The following MICAL3 variants were observed in gnomAD, a reference collection of about 807,000 sequenced individuals.
MICAL3 encodes the protein microtubule associated monooxygenase, calponin and LIM domain containing 3.
Under a neutral mutation model 207.4 loss-of-function variants are expected in MICAL3, and 62 were observed. The observed-to-expected ratio is 0.30, with a 90% CI of 0.24 to 0.37. The LOEUF (loss-of-function observed/expected upper bound fraction) is 0.37. Ranked by LOEUF, MICAL3 falls within the 10% of genes least tolerant of loss-of-function variation. MICAL3 has a pLI of 1.00. For missense variants in MICAL3, 2,368 were observed against 2,635.6 expected, an observed-to-expected ratio of 0.90 and a Z score of 2.22; for synonymous variants, 1,077 against 1,069.3, an observed-to-expected ratio of 1.01 and a Z score of -0.14.
At chr22:17,804,965 G>A (rs1023123456) in intron 29 of MICAL3, among the ~76,000 whole-genome samples, 42 of 152,202 alleles carry the variant, frequency 2.8e-4, no homozygotes, top group African/African-American at 1.0e-3. Flanking sequence ...CAAAGGTGCT[G>A]AAGCTAATCC....
intron 16 of MICAL3, among the ~76,000 whole-genome samples, chr22:17,874,282 A>G (rs1417842530): frequency 2.0e-5 from 3 of 152,198 alleles, no homozygotes; most frequent in Admixed American, 6.5e-5. Context: ...AACCTTCTTT[A>G]GGGACACTAA....
chr22:18,012,569 A>C (rs1247380336), intron 1 of MICAL3, among the ~76,000 whole-genome samples: 1 of 152,242 alleles, frequency 6.6e-6, no homozygotes, highest in East Asian at 1.9e-4. Context: ...CTCAGCTCCC[A>C]GGGCTGCCAG....
At chr22:17,996,655 C>T (rs1285497687) in intron 1 of MICAL3, among the ~76,000 whole-genome samples, 2 of 152,126 alleles carry the variant, frequency 1.3e-5, no homozygotes, top group Non-Finnish European at 1.5e-5. Flanking sequence ...CACCACCCAT[C>T]ACCCAGGGGA....
At chr22:17,989,259 C>CCGCT (rs1921393080) in intron 1 of MICAL3, among the ~76,000 whole-genome samples, 2 of 152,174 alleles carry the variant, frequency 1.3e-5, no homozygotes, top group African/African-American at 2.4e-5. Context: ...GCTAAGCCTG[C>CCGCT]CGCTACCTTA....
intron 1 of MICAL3, among the ~76,000 whole-genome samples, chr22:17,986,965 G>A (rs1295872993): frequency 6.6e-6 from 1 of 152,066 alleles, no homozygotes. Flanking sequence ...TTCGACTGGC[G>A]TGGTGGCTCA....
At position 17,787,737 on chromosome 22, in the gene MICAL3, TCTC is replaced by T. The variant is rs1238368715; in HGVS notation, c.*2992_*2994del. The T allele has an allele frequency of 1.3e-5, 2 of 152,246 alleles. No individual in the cohort carries two copies. The highest frequency in any genetic ancestry group is 2.9e-5 in the Non-Finnish European group (2 of 68,040). 9.4% of individuals were successfully genotyped at this position (152,246 alleles called of 1,614,324 possible). On this transcript the variant is annotated 3_prime_UTR_variant, in exon 32 of 32. Transcript: ENST00000441493. ...CACCTTTAAAAAAATGTTTTTTAAC[TCTC>T]CTTTCTGTCCCACTGAAAAATTTAT...
chr22:17,886,432 C>T (rs1929875286), intron 15 of MICAL3, among the ~76,000 whole-genome samples: 1 of 152,112 alleles, frequency 6.6e-6, no homozygotes, highest in Non-Finnish European at 1.5e-5. Context: ...TTTGGGAGGC[C>T]AAGATGGGTG....
At chr22:17,864,714 G>C (rs766048921) in intron 19 of MICAL3, 185 bp downstream of exon 19, 58 of 1,613,002 alleles carry the variant, frequency 3.6e-5, no homozygotes, top group Non-Finnish European at 4.6e-5. Context: ...CCTCCGACAG[G>C]CCATAGAGAA....
intron 19 of MICAL3, chr22:17,863,592 G>T: frequency 2.0e-6 from 2 of 985,430 alleles, no homozygotes; most frequent in Non-Finnish European, 2.4e-6. Context: ...CCCACCTGCA[G>T]GGTACTTAAA....
At chr22:17,933,737 T>C (rs909470788) in intron 1 of MICAL3, among the ~76,000 whole-genome samples, 9 of 151,836 alleles carry the variant, frequency 5.9e-5, no homozygotes, top group African/African-American at 1.7e-4. Flanking sequence ...GCAAGATTAA[T>C]AAAGAAGAAA....
At chr22:18,021,645 G>A (rs886900857) in intron 1 of MICAL3, among the ~76,000 whole-genome samples, 1 of 152,224 alleles carries the variant, frequency 6.6e-6, no homozygotes, top group Admixed American at 6.5e-5. Context: ...TGGGGCATGG[G>A]AGAGGGAGGG....
chr22:17,857,106 C>T (rs193077950), intron 19 of MICAL3, among the ~76,000 whole-genome samples: 1 of 152,308 alleles, frequency 6.6e-6, no homozygotes, highest in East Asian at 1.9e-4. Flanking sequence ...TCCTTGGTCA[C>T]CAGGTTGTAC....
chr22:17,956,118 A>C (rs1428029721), intron 1 of MICAL3, among the ~76,000 whole-genome samples: 1 of 151,452 alleles, frequency 6.6e-6, no homozygotes, highest in Non-Finnish European at 1.5e-5. Flanking sequence ...GGGCACACAC[A>C]TGCCTGTGTC....
intron 22 of MICAL3, 95 bp from the exon 23 acceptor site, chr22:17,823,155 C>T (rs751623042): frequency 2.7e-5 from 22 of 818,672 alleles, no homozygotes; most frequent in Middle Eastern, 2.2e-4. Context: ...TTTCTCAGGG[C>T]GCTGCCATGC....
At chr22:17,988,947 C>T (rs1921349269) in intron 1 of MICAL3, among the ~76,000 whole-genome samples, 2 of 152,192 alleles carry the variant, frequency 1.3e-5, no homozygotes, top group Non-Finnish European at 2.9e-5. Context: ...GCCGCGGAGT[C>T]CAACCAGCTC....
rs7291656 is a variant in MICAL3, at chr22:18,014,633, G to A, written c.-75+9648C>T. On this transcript the variant is annotated intron_variant, in intron 1 of 31. Transcript: ENST00000441493. Reference sequence around the variant, plus strand: ...ATATTCTTACAATTCTCTTAATGGGGGAAAAAGTCCCCAAAGATATGTTCC... The same window carrying A: ...ATATTCTTACAATTCTCTTAATGGGAGAAAAAGTCCCCAAAGATATGTTCC... 2.8e-3 allele frequency among the ~76,000 whole-genome samples: 431 copies of A among 152,216 alleles called. 1 individual carries two copies. The highest frequency in any genetic ancestry group is 0.01 in the African/African-American group (419 of 41,538).
chr22:17,966,193 C>T (rs933919286), intron 1 of MICAL3, among the ~76,000 whole-genome samples: 2 of 152,144 alleles, frequency 1.3e-5, no homozygotes, highest in South Asian at 2.1e-4. Context: ...TGCCTCCCAT[C>T]GAATTTCCAG....
chr22:17,906,524 A>G, intron 2 of MICAL3, 25 bp downstream of exon 2: 6 of 1,612,526 alleles, frequency 3.7e-6, no homozygotes, highest in Non-Finnish European at 5.1e-6. Flanking sequence ...CAGTGACCCC[A>G]GGGCCCAACA....
chr22:17,978,670 C>T (rs1018283518), intron 1 of MICAL3, among the ~76,000 whole-genome samples: 9 of 151,748 alleles, frequency 5.9e-5, no homozygotes, highest in Non-Finnish European at 1.3e-4. Flanking sequence ...AGGCAGCTAC[C>T]ACCACACCCA....
Sources: gnomAD v4.1 joint callset for allele counts (sites outside exome capture counted in the v4.1 genomes callset) on GRCh38, gnomAD v4.1.1 for gene constraint, MANE v1.5 for transcripts, NCBI Gene and HGNC (gene_info 2026-07-23, HGNC 2026-07-21) for gene names.